The following POLQ variants were observed in gnomAD, a reference collection of about 807,000 sequenced individuals.
The protein encoded by POLQ is DNA polymerase theta.
In POLQ, 233 loss-of-function variants were observed where a neutral mutation model predicts 259.2. That is an observed-to-expected ratio of 0.90 (90% CI 0.81 to 1.00). The LOEUF is 1.00. Ranked by LOEUF, POLQ falls within the 50% of genes least tolerant of loss-of-function variation. POLQ has a pLI of 0.00. For missense variants in POLQ, 2,871 were observed against 3,051.6 expected, an observed-to-expected ratio of 0.94 and a Z score of 1.39; for synonymous variants, 1,025 against 1,048.8, an observed-to-expected ratio of 0.98 and a Z score of 0.44.
intron 26 of POLQ, among the ~76,000 whole-genome samples, chr3:121,444,434 T>C (rs570970216): frequency 6.6e-6 from 1 of 152,342 alleles, no homozygotes; most frequent in South Asian, 2.1e-4. Flanking sequence ...TGTTTGTATG[T>C]TGATCTTGTA....
chr3:121,504,681 A>G (rs994539075), intron 12 of POLQ, among the ~76,000 whole-genome samples: 1 of 152,240 alleles, frequency 6.6e-6, no homozygotes, highest in Non-Finnish European at 1.5e-5. Flanking sequence ...ATCCAGCAAC[A>G]TAAAAAGGAT....
intron 25 of POLQ, among the ~76,000 whole-genome samples, chr3:121,450,612 T>C (rs905277078): frequency 6.6e-6 from 1 of 151,602 alleles, no homozygotes; most frequent in Non-Finnish European, 1.5e-5. Context: ...TGCTGAATAT[T>C]GGCCCCAACT....
intron 5 of POLQ, among the ~76,000 whole-genome samples, chr3:121,535,230 T>A (rs1397284486): frequency 6.6e-6 from 1 of 152,176 alleles, no homozygotes; most frequent in Admixed American, 6.5e-5. Context: ...CACACATCAG[T>A]ATGAAATTTC....
chr3:121,528,487 G>A (rs2048388019), intron 7 of POLQ, among the ~76,000 whole-genome samples: 1 of 151,924 alleles, frequency 6.6e-6, no homozygotes. Flanking sequence ...GGGATTACAG[G>A]CGTGCACCAC....
chr3:121,541,217 T>C, intron 3 of POLQ, 132 bp downstream of exon 3: 1 of 785,176 alleles, frequency 1.3e-6, no homozygotes. Context: ...GGCAGTAGCC[T>C]CTTAAAGCTA....
rs1336202267 is a variant in POLQ at position 121,493,565 on chromosome 3, G to A, written c.2435C>T (p.Ala812Val). The A allele has an allele frequency of 3.7e-6, 6 of 1,613,688 alleles. No individual in the cohort carries two copies. Among genetic ancestry groups the A allele is most frequent in the Non-Finnish European group, 5.1e-6 (6 of 1,179,760 alleles). The change falls in exon 15 of 30, where the codon GCT (alanine) becomes GTT (valine). Residue 812 changes from alanine (A) to valine (V), a missense_variant. Ala to Val is a moderately conservative substitution (Grantham distance 64, BLOSUM62 0). Coordinates refer to ENST00000264233, the MANE Select transcript of POLQ (RefSeq NM_199420.4). ...LNAQRARVLY[A>V]SGFHTVADLA... ...GTCTGCCACAGTATGAAAGCCAGAA[G>A]CATAGAGAACCCTGGCTCTCTGAGC...
chr3:121,494,398 G>A, intron 14 of POLQ: 2 of 1,561,200 alleles, frequency 1.3e-6, no homozygotes, highest in African/African-American at 1.4e-5. Flanking sequence ...AGCTGCTTAA[G>A]CTGGCCCACA....
chr3:121,475,434 G>T (rs79012504), intron 20 of POLQ, among the ~76,000 whole-genome samples: 1,917 of 152,112 alleles, frequency 0.013, 37 homozygotes, highest in African/African-American at 0.044. Context: ...ATTTTATCAG[G>T]CAACCCTAAT....
At chr3:121,476,200 C>T (rs1259357443) in intron 20 of POLQ, among the ~76,000 whole-genome samples, 1 of 152,112 alleles carries the variant, frequency 6.6e-6, no homozygotes, top group Non-Finnish European at 1.5e-5. Flanking sequence ...AAATGACCAA[C>T]TTCCTGGAAA....
chr3:121,463,173 A>T (rs2047806556), intron 24 of POLQ, among the ~76,000 whole-genome samples: 1 of 152,176 alleles, frequency 6.6e-6, no homozygotes, highest in Admixed American at 6.5e-5. Context: ...TCAGGTGAAG[A>T]TAAATGAATC....
At chr3:121,520,120 T>C (rs2048327782) in intron 8 of POLQ, 37 bp from the exon 9 acceptor site, 1 of 1,190,342 alleles carries the variant, frequency 8.4e-7, no homozygotes. Context: ...TATTGATATA[T>C]AACGAAAATA....
At chr3:121,450,374 AT>A (rs200515962) in intron 25 of POLQ, among the ~76,000 whole-genome samples, 9 of 147,054 alleles carry the variant, frequency 6.1e-5, no homozygotes, top group South Asian at 4.2e-4. Flanking sequence ...TTATTTATTT[AT>A]TTTTTTTATT....
rs1176845519 is a variant in POLQ, at chr3:121,489,491, G to A, written c.3440C>T (p.Thr1147Ile). Residue 1147 changes from threonine to isoleucine, a missense_variant, in exon 16 of 30, where the codon ACT (threonine) becomes ATT (isoleucine). Physicochemically the swap from Thr to Ile is moderately conservative, Grantham distance 89. Transcript: ENST00000264233. The stretch of plus-strand genomic sequence containing the variant: ...ACTAACCACACTAGTGGCCTGACAA[G>A]TCACATTTTTACTCTGAGATCCTGT... ...IVTGSQSKNV[T>I]CQATSVVSEK... The A allele has an allele frequency of 6.2e-7, 1 of 1,613,934 alleles. No homozygotes were observed. Among genetic ancestry groups the A allele is most frequent in the Non-Finnish European group, 8.5e-7 (1 of 1,179,946 alleles).
chr3:121,440,867 C>CTG (rs2047586040), intron 26 of POLQ, among the ~76,000 whole-genome samples: 1 of 152,108 alleles, frequency 6.6e-6, no homozygotes, highest in East Asian at 1.9e-4. Flanking sequence ...TAGGACCTTG[C>CTG]TGAAATTAAT....
At position 121,431,929 on chromosome 3, in the gene POLQ, C is replaced by T. The variant is rs571530580; in HGVS notation, c.*375G>A. On this transcript the variant is annotated 3_prime_UTR_variant, in exon 30 of 30. Coordinates refer to ENST00000264233, the MANE Select transcript of POLQ (RefSeq NM_199420.4). ...ATCTGCCTATGGCTGCTGTCTGGGT[C>T]GATTGAGGCAGCAGCTTCATTTTCT... 43 of 171,396 alleles carry T rather than the reference C, an allele frequency of 2.5e-4. No individual in the cohort carries two copies. In the East Asian group the frequency reaches 6.5e-3, roughly 26 times the overall value. The allele number at this position is 171,396 out of a possible 1,614,324, so 10.6% of individuals were successfully genotyped here.
At chr3:121,534,656 T>A (rs1476853440) in intron 5 of POLQ, among the ~76,000 whole-genome samples, 1 of 152,204 alleles carries the variant, frequency 6.6e-6, no homozygotes, top group Non-Finnish European at 1.5e-5. Context: ...AATTAAATAA[T>A]TGATTCTCAG....
intron 24 of POLQ, among the ~76,000 whole-genome samples, chr3:121,461,685 A>C (rs185622223): frequency 6.8e-4 from 103 of 152,070 alleles, no homozygotes; most frequent in Non-Finnish European, 1.2e-3. Context: ...GAAACATTAC[A>C]TGAAAAAAGC....
At chr3:121,491,346 C>CAAAAAAAAAAAAAAAAA (rs3045625) in intron 15 of POLQ, among the ~76,000 whole-genome samples, 5 of 77,986 alleles carry the variant, frequency 6.4e-5, no homozygotes, top group Admixed American at 1.9e-4. Context: ...GAGACTGTCA[C>CAAAAAAAAAAAAAAAAA]AAAAAAAAAA....
chr3:121,519,960 C>T lies in POLQ; in HGVS notation c.1379G>A (p.Arg460Gln), dbSNP rs763394640. 1.5e-5 allele frequency: 24 copies of T among 1,612,104 alleles called. No homozygotes were observed. Among genetic ancestry groups the T allele is most frequent in the East Asian group, 2.2e-5 (1 of 44,880 alleles). Reference protein sequence around the residue: ...VNLPARRVIIRTPIFGGRPLD... With the variant: ...VNLPARRVIIQTPIFGGRPLD... ...AGGTCGACCACCAAAAATAGGGGTT[C>T]GAATAATCACACGACGTGCAGGTAA... Residue 460 changes from arginine to glutamine, a missense_variant, in exon 9 of 30, where the codon CGA becomes CAA. Arg to Gln is a conservative substitution (Grantham distance 43). This residue lies in a region of POLQ where 783 missense variants were observed against 906.2 expected (regional missense o/e 0.86). Transcript: ENST00000264233.
Sources: allele counts gnomAD v4.1 joint callset (sites outside exome capture counted in the v4.1 genomes callset), GRCh38; gene constraint gnomAD v4.1.1; regional missense constraint gnomAD v4.1.1; transcripts MANE v1.5; gene names NCBI Gene and HGNC (gene_info 2026-07-23, HGNC 2026-07-21).